The following EHMT1 variants were observed in gnomAD, a reference collection of about 807,000 sequenced individuals.
The protein encoded by EHMT1 is histone-lysine N-methyltransferase EHMT1.
A neutral mutation model predicts 147.2 loss-of-function variants in EHMT1; 15 were observed. That is an observed-to-expected ratio of 0.10 (90% confidence interval 0.07 to 0.16). The LOEUF is 0.16. EHMT1 is among the 10% of genes least tolerant of loss of function. The pLI, the probability that EHMT1 is intolerant of heterozygous loss-of-function variation, is 1.00. For missense variants in EHMT1, 1,587 were observed against 1,772.4 expected, an observed-to-expected ratio of 0.90 and a Z score of 1.88; for synonymous variants, 795 against 709.6, an observed-to-expected ratio of 1.12 and a Z score of -1.91.
At chr9:137,706,913 C>T (rs1944315631) in intron 1 of EHMT1, among the ~76,000 whole-genome samples, 2 of 152,016 alleles carry the variant, frequency 1.3e-5, no homozygotes, top group African/African-American at 4.8e-5. Flanking sequence ...CCTCCGCCCC[C>T]GCCCAGGTTA....
In EHMT1 at chr9:137,754,286, C is replaced by T; in HGVS notation, c.1364C>T (p.Ala455Val). The T allele has an allele frequency of 3.1e-6, 5 of 1,613,994 alleles. No homozygotes were observed. The highest frequency in any genetic ancestry group is 4.2e-6 in the Non-Finnish European group (5 of 1,179,924). The change falls in exon 8 of 27, where the codon GCC becomes GTC. Residue 455 changes from alanine to valine, a missense_variant. This residue lies in a region of EHMT1 where 810 missense variants were observed against 673.0 expected (regional missense o/e 1.20). Transcript: ENST00000460843. ...AGAAGTAGAAAGAAGCCCAGCGGTG[C>T]CCTCGGTAAATGCCGTGGGGGTGTG... Reference protein sequence around the residue: ...RRRSRKKPSGALGSESYKSSA... With the variant: ...RRRSRKKPSGVLGSESYKSSA...
Position 137,743,352 on chromosome 9 carries a change from C to CTTTTTTTTTTTTTTTTTTTTTT in EHMT1, c.824-3_824-2insTTTTTTTTTTTTTTTTTTTTTT. The CTTTTTTTTTTTTTTTTTTTTTT allele has an allele frequency of 6.7e-7, 1 of 1,492,454 alleles. No individual in the cohort carries two copies. The highest frequency in any genetic ancestry group is 1.5e-5 in the African/African-American group (1 of 65,106). 92.5% of individuals were successfully genotyped at this position (1,492,454 alleles called of 1,614,324 possible). ...CTTTTCCTTTCTTGTCCCCTTTTGA[C>CTTTTTTTTTTTTTTTTTTTTTT]TTTTTTTTTTTTTTTTAGCTTGCTT... On this transcript the variant is annotated intron_variant, in intron 4 of 26. Transcript: ENST00000460843.
chr9:137,762,550 TA>T, intron 9 of EHMT1, 124 bp from the exon 10 acceptor site: 1 of 1,517,310 alleles, frequency 6.6e-7, no homozygotes, highest in Non-Finnish European at 8.9e-7. Context: ...TTGTGCTGGG[TA>T]ATCAACCGCA....
At chr9:137,743,835 G>A (rs1948318961) in intron 5 of EHMT1, 67 bp from the exon 6 acceptor site, 4 of 1,537,496 alleles carry the variant, frequency 2.6e-6, no homozygotes, top group Admixed American at 2.0e-5. Flanking sequence ...AGACTCCTCA[G>A]TGAAAGCAAG....
At chr9:137,806,811 T>C (rs1019261500) in intron 18 of EHMT1, among the ~76,000 whole-genome samples, 2 of 152,246 alleles carry the variant, frequency 1.3e-5, no homozygotes, top group African/African-American at 2.4e-5. Context: ...TCTGGATGCG[T>C]AGTTATTTCT....
chr9:137,626,981 G>A (rs1389617446), intron 1 of EHMT1, among the ~76,000 whole-genome samples: 5 of 151,866 alleles, frequency 3.3e-5, no homozygotes, highest in Non-Finnish European at 4.4e-5. Context: ...GTTTTGAGAC[G>A]GAGTCTCGCT....
At chr9:137,748,854 T>C (rs889358747) in intron 6 of EHMT1, among the ~76,000 whole-genome samples, 1 of 152,312 alleles carries the variant, frequency 6.6e-6, no homozygotes, top group Non-Finnish European at 1.5e-5. Context: ...CCTTGTTGTG[T>C]AGTCGACATG....
At chr9:137,830,964 T>C (rs1173723418) in intron 25 of EHMT1, among the ~76,000 whole-genome samples, 1 of 152,200 alleles carries the variant, frequency 6.6e-6, no homozygotes, top group Non-Finnish European at 1.5e-5. Context: ...CTCACTGCTC[T>C]GGGGGCTGGA....
At chr9:137,721,549 A>ACCTTCTCCCACGCCTCTCATCCTCT (rs1946046528) in intron 3 of EHMT1, among the ~76,000 whole-genome samples, 1 of 95,300 alleles carries the variant, frequency 1.0e-5, no homozygotes, top group African/African-American at 4.4e-5. Context: ...CACGCCTCTC[A>ACCTTCTCCCACGCCTCTCATCCTCT]CCTTCTCCCA....
At chr9:137,667,116 G>A (rs926030373) in intron 1 of EHMT1, 1 of 152,244 alleles carries the variant, frequency 6.6e-6, no homozygotes, top group African/African-American at 2.4e-5. Context: ...CAGTGAGCCC[G>A]GGCAGTGCCA....
Position 137,787,858 on chromosome 9 carries a change from G to T in EHMT1, c.2383-2990G>T, listed in dbSNP as rs1046553440. 3 of 1,105,084 alleles carry T rather than the reference G, an allele frequency of 2.7e-6. No individual in the cohort carries two copies. Among genetic ancestry groups the T allele is most frequent in the Non-Finnish European group, 4.2e-6 (3 of 719,470 alleles). The allele number at this position is 1,105,084 out of a possible 1,614,324, so 68.5% of individuals were successfully genotyped here. A position where few individuals can be genotyped will look rare whatever the true frequency, so the allele number is the denominator to read the frequency against. Reference sequence around the variant, plus strand: ...GAGCTGGTTGACGGTGGACATTGGGGATAGGAGGTGGGTGGGGGTGCCAAG... The same window carrying T: ...GAGCTGGTTGACGGTGGACATTGGGTATAGGAGGTGGGTGGGGGTGCCAAG... On this transcript the variant is annotated intron_variant, in intron 15 of 26. Coordinates refer to ENST00000460843, the MANE Select transcript of EHMT1 (RefSeq NM_024757.5). The surrounding 1 kb of genome is among the most constrained non-coding windows in gnomAD (Gnocchi z 4.2).
intron 1 of EHMT1, among the ~76,000 whole-genome samples, chr9:137,652,418 A>C (rs560493930): frequency 1.3e-4 from 19 of 151,322 alleles, no homozygotes; most frequent in African/African-American, 4.6e-4. Flanking sequence ...ACGGAGTCTC[A>C]CTCTGTCTCC....
chr9:137,657,967 T>C (rs372108985), intron 1 of EHMT1, among the ~76,000 whole-genome samples: 13 of 152,154 alleles, frequency 8.5e-5, no homozygotes, highest in Non-Finnish European at 1.8e-4. Flanking sequence ...TGAGAGCATG[T>C]GAAGTTTGTC....
chr9:137,817,645 G>T, intron 24 of EHMT1, 120 bp downstream of exon 24: 1 of 1,303,898 alleles, frequency 7.7e-7, no homozygotes, highest in South Asian at 1.2e-5. Context: ...CAGCAGCGTG[G>T]GGTGGGGGCC....
chr9:137,725,998 C>T (rs117809170), intron 3 of EHMT1, among the ~76,000 whole-genome samples: 1 of 152,246 alleles, frequency 6.6e-6, no homozygotes, highest in East Asian at 1.9e-4. Context: ...CATGTTCACC[C>T]ATGTCATGGA....
At chr9:137,773,257 C>T (rs1045138513) in intron 10 of EHMT1, among the ~76,000 whole-genome samples, 6 of 152,178 alleles carry the variant, frequency 3.9e-5, no homozygotes, top group African/African-American at 7.2e-5. Context: ...TCAGTAGGTA[C>T]AAGTGCCCTG....
intron 1 of EHMT1, among the ~76,000 whole-genome samples, chr9:137,634,955 C>T (rs552095415): frequency 2.7e-5 from 4 of 146,060 alleles, no homozygotes; most frequent in East Asian, 2.0e-4. Flanking sequence ...CTCCTGACCT[C>T]GTGATCCGCC....
At chr9:137,624,307 CT>C (rs1252295320) in intron 1 of EHMT1, among the ~76,000 whole-genome samples, 1,310 of 130,762 alleles carry the variant, frequency 0.01, 16 homozygotes, top group African/African-American at 0.03. Context: ...TGCCCGGCCT[CT>C]TTTTTTTTTT....
At chr9:137,624,852 A>G (rs1465962125) in intron 1 of EHMT1, among the ~76,000 whole-genome samples, 2 of 150,032 alleles carry the variant, frequency 1.3e-5, no homozygotes, top group South Asian at 4.2e-4. Flanking sequence ...GATTAAAGGC[A>G]TGATCCACCG....
Sources: gnomAD v4.1 joint callset for allele counts (sites outside exome capture counted in the v4.1 genomes callset) on GRCh38, gnomAD v4.1.1 for gene constraint, gnomAD v4.1.1 regional missense constraint, Gnocchi (gnomAD v3.1) non-coding constraint, MANE v1.5 for transcripts, NCBI Gene and HGNC (gene_info 2026-07-23, HGNC 2026-07-21) for gene names.